The following SLC16A12 variants were observed in gnomAD, a reference collection of about 807,000 sequenced individuals.
SLC16A12 encodes solute carrier family 16 member 12.
In SLC16A12, 17 loss-of-function variants were observed where a neutral mutation model predicts 42.4. The ratio of observed to expected loss-of-function variants is 0.40; its 90% confidence interval spans 0.27 to 0.60. The LOEUF is 0.60. SLC16A12 is among the 20% of genes least tolerant of loss of function. SLC16A12 has a pLI of 0.42. For synonymous variants in SLC16A12, 224 were observed against 229.4 expected (o/e 0.98, Z 0.21); for missense variants, 544 against 623.0 (o/e 0.87, Z 1.35).
At chr10:89,523,478 T>C (rs775598252) in intron 2 of SLC16A12, among the ~76,000 whole-genome samples, 10 of 152,224 alleles carry the variant, frequency 6.6e-5, no homozygotes, top group African/African-American at 2.4e-4. Context: ...CTCTGTAGAA[T>C]GTGGCACTGT....
chr10:89,534,796 T>C (rs560291425), intron 1 of SLC16A12, among the ~76,000 whole-genome samples, 156 bp from the exon 2 acceptor site: 2 of 152,122 alleles, frequency 1.3e-5, no homozygotes, highest in Non-Finnish European at 2.9e-5. Context: ...GCCACTGCAC[T>C]CCAGCCTGGG....
chr10:89,432,369 T>C lies in SLC16A12; in HGVS notation c.*695A>G, dbSNP rs1841707089. 6.6e-6 allele frequency: 1 copy of C among 152,252 alleles called. No individual in the cohort carries two copies. Among genetic ancestry groups the C allele is most frequent in the South Asian group, 2.1e-4 (1 of 4,836 alleles). 9.4% of individuals were successfully genotyped at this position (152,252 alleles called of 1,614,324 possible). ...ACAATTTCAAATGGATCTTACCAGA[T>C]GCCCTTTAAGATCTATTCCAACCAT... On this transcript the variant is annotated 3_prime_UTR_variant, in exon 8 of 8. Coordinates refer to ENST00000371790, the MANE Select transcript of SLC16A12 (RefSeq NM_213606.4).
rs867752496 is a variant in SLC16A12 at position 89,481,682 on chromosome 10, T to A, written c.-46-19058A>T. On this transcript the variant is annotated intron_variant, in intron 2 of 7. Coordinates refer to ENST00000371790, the MANE Select transcript of SLC16A12 (RefSeq NM_213606.4). ...GTGTGTGTGAGAGAGAGAGAGAGTG[T>A]GTGTGTGTGTGTGTGTGTGTGTAAA... Among the ~76,000 whole-genome samples the A allele has an allele frequency of 6.4e-3, 870 of 135,346 alleles. 10 individuals are homozygous for A. The highest frequency in any genetic ancestry group is 0.023 in the African/African-American group (727 of 32,156). The allele number at this position is 135,346 out of a possible 152,430, so 88.8% of individuals were successfully genotyped here. A position where few individuals can be genotyped will look rare whatever the true frequency, so the allele number is the denominator to read the frequency against.
At position 89,496,345 on chromosome 10, in the gene SLC16A12, T is replaced by C. The variant is rs200931876; in HGVS notation, c.-46-33721A>G. Among the ~76,000 whole-genome samples, 11 of 152,190 alleles carry C rather than the reference T, an allele frequency of 7.2e-5. No homozygotes were observed. The East Asian group carries it at 1.7e-3, about 24-fold the overall frequency. ...TAAAAAAGAATGCTTGGAATTAAAA[T>C]ATAATTGTGGAAATTGAAAATTTAA... On this transcript the variant is annotated intron_variant, in intron 2 of 7. Coordinates refer to ENST00000371790, the MANE Select transcript of SLC16A12 (RefSeq NM_213606.4).
At chr10:89,474,037 C>T (rs1278364389) in intron 2 of SLC16A12, among the ~76,000 whole-genome samples, 2 of 152,132 alleles carry the variant, frequency 1.3e-5, no homozygotes, top group Non-Finnish European at 2.9e-5. Context: ...AAAACTCAGG[C>T]TTTATATCTT....
chr10:89,538,934 T>C (rs1026663102), upstream of SLC16A12, among the ~76,000 whole-genome samples: 6 of 152,192 alleles, frequency 3.9e-5, no homozygotes, highest in Non-Finnish European at 5.9e-5. Flanking sequence ...CATTGACAAC[T>C]GATCACCCAA....
intron 2 of SLC16A12, among the ~76,000 whole-genome samples, chr10:89,502,534 T>A (rs542319436): frequency 6.6e-6 from 1 of 152,332 alleles, no homozygotes; most frequent in East Asian, 1.9e-4. Flanking sequence ...ATTCACCTAC[T>A]TATGGTAAAG....
intron 2 of SLC16A12, among the ~76,000 whole-genome samples, chr10:89,496,995 T>C (rs888904178): frequency 2.6e-5 from 4 of 152,188 alleles, no homozygotes; most frequent in African/African-American, 9.6e-5. Context: ...GAAAAGATGC[T>C]CATTTTTAAT....
intron 2 of SLC16A12, among the ~76,000 whole-genome samples, chr10:89,502,936 G>C (rs568804097): frequency 2.0e-5 from 3 of 152,212 alleles, no homozygotes; most frequent in African/African-American, 7.2e-5. Flanking sequence ...AGCAAAGCTT[G>C]TAGGAAACAT....
At chr10:89,488,513 C>A (rs1842798102) in intron 2 of SLC16A12, among the ~76,000 whole-genome samples, 1 of 152,154 alleles carries the variant, frequency 6.6e-6, no homozygotes, top group Non-Finnish European at 1.5e-5. Context: ...ACTTAGGAAA[C>A]AAACTGCCTC....
intron 2 of SLC16A12, among the ~76,000 whole-genome samples, chr10:89,478,569 C>G (rs1311982289): frequency 6.6e-6 from 1 of 152,214 alleles, no homozygotes; most frequent in Non-Finnish European, 1.5e-5. Context: ...CAACTCAAAT[C>G]TTTTAGTGTA....
At chr10:89,477,106 T>TA (rs1414739385) in intron 2 of SLC16A12, among the ~76,000 whole-genome samples, 1 of 152,238 alleles carries the variant, frequency 6.6e-6, no homozygotes, top group East Asian at 1.9e-4. Flanking sequence ...TCCTTCAAGA[T>TA]ACGGATGGTC....
At chr10:89,540,559 C>T (rs1843709003), upstream of SLC16A12, among the ~76,000 whole-genome samples, 1 of 152,194 alleles carries the variant, frequency 6.6e-6, no homozygotes, top group African/African-American at 2.4e-5. Context: ...CTGTCAACGG[C>T]AGTGCGTTTC....
chr10:89,536,170 T>G (rs1589735145), upstream of SLC16A12, among the ~76,000 whole-genome samples: 1 of 152,196 alleles, frequency 6.6e-6, no homozygotes. Context: ...GGGAGCTCGG[T>G]GTTCCCAAAA....
intron 2 of SLC16A12, among the ~76,000 whole-genome samples, chr10:89,520,750 C>T (rs1843338428): frequency 6.7e-6 from 1 of 149,886 alleles, no homozygotes; most frequent in African/African-American, 2.5e-5. Context: ...AAATGGAACC[C>T]CTGGGTGAAA....
At chr10:89,526,013 A>G (rs979795358) in intron 2 of SLC16A12, among the ~76,000 whole-genome samples, 1 of 152,282 alleles carries the variant, frequency 6.6e-6, no homozygotes, top group East Asian at 1.9e-4. Context: ...CTCATTGTGC[A>G]CTTCAACCTG....
chr10:89,461,815 C>A (rs1842305095), intron 3 of SLC16A12, among the ~76,000 whole-genome samples: 1 of 152,212 alleles, frequency 6.6e-6, no homozygotes, highest in Admixed American at 6.5e-5. Context: ...CTCAGGTATG[C>A]ATTTACCAAT....
At chr10:89,497,833 A>G (rs2133816924) in intron 2 of SLC16A12, among the ~76,000 whole-genome samples, 1 of 152,256 alleles carries the variant, frequency 6.6e-6, no homozygotes, top group East Asian at 1.9e-4. Flanking sequence ...TTTCCTACTG[A>G]GGTCTCAGAG....
chr10:89,525,389 G>T (rs1180542774), intron 2 of SLC16A12, among the ~76,000 whole-genome samples: 1 of 152,152 alleles, frequency 6.6e-6, no homozygotes, highest in Non-Finnish European at 1.5e-5. Context: ...AGCAAAACTT[G>T]AAATTTTAGT....
Sources: gnomAD v4.1 joint callset for allele counts (sites outside exome capture counted in the v4.1 genomes callset) on GRCh38, gnomAD v4.1.1 for gene constraint, MANE v1.5 for transcripts, NCBI Gene and HGNC (gene_info 2026-07-23, HGNC 2026-07-21) for gene names.